The following SMYD3 variants were observed in gnomAD, a reference collection of about 807,000 sequenced individuals.
SMYD3 encodes the protein histone-lysine N-methyltransferase SMYD3.
Under a neutral mutation model 57.7 loss-of-function variants are expected in SMYD3, and 36 were observed. That is an observed-to-expected ratio of 0.62 (90% CI 0.48 to 0.82). SMYD3 has a LOEUF of 0.82. Ranked by LOEUF, SMYD3 falls within the 40% of genes least tolerant of loss-of-function variation. SMYD3 has a pLI of 0.00. For missense variants in SMYD3, 515 were observed against 538.8 expected (o/e 0.96, Z 0.44); for synonymous variants, 211 against 195.0 (o/e 1.08, Z -0.68).
At chr1:246,078,932 T>C (rs770341029) in intron 5 of SMYD3, among the ~76,000 whole-genome samples, 9 of 152,136 alleles carry the variant, frequency 5.9e-5, no homozygotes, top group Non-Finnish European at 1.0e-4. Context: ...GACAGAAGAA[T>C]GTCTCATTTT....
chr1:245,749,392 A>C lies in SMYD3; in HGVS notation c.*171T>G, dbSNP rs1034618031. 1 of 537,692 alleles carries C rather than the reference A, an allele frequency of 1.9e-6. No homozygotes were observed. The highest frequency in any genetic ancestry group is 3.3e-6 in the Non-Finnish European group (1 of 305,396). The allele number at this position is 537,692 out of a possible 1,614,324, so 33.3% of individuals were successfully genotyped here. The stretch of plus-strand genomic sequence containing the variant: ...ATTTATTATAATCGTGCTTCTCTAC[A>C]ACTAATGATTCTTGTGGTTTGCAAA... On this transcript the variant is annotated 3_prime_UTR_variant, in exon 12 of 12. Coordinates refer to ENST00000490107, the MANE Select transcript of SMYD3 (RefSeq NM_001167740.2).
chr1:246,182,137 T>C (rs543389145), intron 5 of SMYD3, among the ~76,000 whole-genome samples: 25 of 152,196 alleles, frequency 1.6e-4, no homozygotes, highest in Non-Finnish European at 3.1e-4. Context: ...ACCACTGTTG[T>C]TCTCATCGTA....
chr1:246,237,536 C>T (rs1300023421), intron 5 of SMYD3, among the ~76,000 whole-genome samples: 7 of 143,088 alleles, frequency 4.9e-5, no homozygotes, highest in Non-Finnish European at 1.1e-4. Context: ...CTGCCACCAG[C>T]TTCCTGGTTA....
chr1:245,753,390 G>C (rs2045475210), intron 11 of SMYD3, among the ~76,000 whole-genome samples: 1 of 152,218 alleles, frequency 6.6e-6, no homozygotes, highest in Admixed American at 6.5e-5. Flanking sequence ...CGAGAAGAAA[G>C]AAGTAGGATT....
intron 5 of SMYD3, among the ~76,000 whole-genome samples, chr1:246,256,643 T>C (rs1252405454): frequency 6.6e-6 from 1 of 152,232 alleles, no homozygotes; most frequent in Non-Finnish European, 1.5e-5. Context: ...TTGTTGATTA[T>C]ATTAATTTCT....
intron 1 of SMYD3, among the ~76,000 whole-genome samples, chr1:246,375,325 CTTTTTTTT>C (rs60882470): frequency 5.5e-4 from 34 of 62,264 alleles, no homozygotes; most frequent in African/African-American, 1.2e-3. Context: ...TAATGAGAGA[CTTTTTTTT>C]TTTTTTTTTT....
At chr1:246,009,587 T>A (rs1197475880) in intron 5 of SMYD3, among the ~76,000 whole-genome samples, 3 of 51,364 alleles carry the variant, frequency 5.8e-5, no homozygotes, top group African/African-American at 2.4e-4. Context: ...TATCATATAG[T>A]GGAAAGAATA....
intron 10 of SMYD3, among the ~76,000 whole-genome samples, chr1:245,816,204 G>A (rs1313774082): frequency 1.3e-5 from 2 of 152,074 alleles, no homozygotes; most frequent in Non-Finnish European, 1.5e-5. Context: ...TTCTCCCAAT[G>A]GATTACAGCT....
chr1:246,394,248 C>T (rs2066619871), intron 1 of SMYD3, among the ~76,000 whole-genome samples: 1 of 152,194 alleles, frequency 6.6e-6, no homozygotes, highest in Admixed American at 6.5e-5. Flanking sequence ...AGATCTCTAA[C>T]ACATTGGAAT....
intron 5 of SMYD3, among the ~76,000 whole-genome samples, chr1:246,221,954 CCT>C (rs963749169): frequency 6.6e-6 from 1 of 152,256 alleles, no homozygotes; most frequent in South Asian, 2.1e-4. Context: ...TGACTTATAT[CCT>C]GTTATATTGT....
At chr1:246,255,466 G>A (rs1400493032) in intron 5 of SMYD3, among the ~76,000 whole-genome samples, 2 of 151,906 alleles carry the variant, frequency 1.3e-5, no homozygotes, top group Admixed American at 1.3e-4. Flanking sequence ...TACTGTTTAT[G>A]TGGTGAATCA....
intron 5 of SMYD3, among the ~76,000 whole-genome samples, chr1:246,316,757 A>G (rs1012384775): frequency 2.3e-4 from 34 of 149,306 alleles, no homozygotes; most frequent in African/African-American, 8.3e-4. Flanking sequence ...GCACTTTGGG[A>G]GGCCGAGGCG....
At chr1:246,008,386 C>A (rs2059214923) in intron 5 of SMYD3, among the ~76,000 whole-genome samples, 1 of 152,164 alleles carries the variant, frequency 6.6e-6, no homozygotes, top group Non-Finnish European at 1.5e-5. Flanking sequence ...AAAGGTGGGC[C>A]TCACTGAAAG....
At chr1:246,081,446 G>A (rs1310025119) in intron 5 of SMYD3, among the ~76,000 whole-genome samples, 1 of 151,972 alleles carries the variant, frequency 6.6e-6, no homozygotes, top group African/African-American at 2.4e-5. Flanking sequence ...ATACTGGAGT[G>A]CAGTGGTGTG....
intron 10 of SMYD3, among the ~76,000 whole-genome samples, chr1:245,837,136 G>C (rs2050142076): frequency 6.6e-6 from 1 of 151,892 alleles, no homozygotes. Context: ...AGACCAGCCT[G>C]GCCTACATGG....
chr1:246,012,495 T>C (rs1013869906), intron 5 of SMYD3, among the ~76,000 whole-genome samples: 2 of 152,192 alleles, frequency 1.3e-5, no homozygotes, highest in African/African-American at 4.8e-5. Flanking sequence ...GCAAGAAACC[T>C]TTGCAGTTTG....
chr1:246,214,309 G>A (rs962745418), intron 5 of SMYD3, among the ~76,000 whole-genome samples: 1 of 152,098 alleles, frequency 6.6e-6, no homozygotes, highest in Admixed American at 6.5e-5. Context: ...TAACCAAAGA[G>A]GAGACAAATG....
chr1:246,499,367 G>T (rs2068421153), intron 1 of SMYD3, among the ~76,000 whole-genome samples: 1 of 150,492 alleles, frequency 6.6e-6, no homozygotes, highest in Admixed American at 6.6e-5. Context: ...TTACATATAT[G>T]TAACAATTTT....
chr1:245,803,436 C>T (rs1397696789), intron 10 of SMYD3, among the ~76,000 whole-genome samples: 1 of 149,870 alleles, frequency 6.7e-6, no homozygotes, highest in African/African-American at 2.5e-5. Context: ...ATGAACTGGC[C>T]AATTTCACAG....
Sources: allele counts gnomAD v4.1 joint callset (sites outside exome capture counted in the v4.1 genomes callset), GRCh38; gene constraint gnomAD v4.1.1; transcripts MANE v1.5; gene names NCBI Gene and HGNC (gene_info 2026-07-23, HGNC 2026-07-21).